Variants in ASTN2 observed in about 807,000 individuals in gnomAD.
The protein encoded by ASTN2 is astrotactin-2.
In ASTN2, 54 loss-of-function variants were observed where a neutral mutation model predicts 139.8. The ratio of observed to expected loss-of-function variants is 0.39; its 90% CI spans 0.31 to 0.48. The LOEUF (loss-of-function observed/expected upper bound fraction) is 0.48, where lower values mean the gene tolerates loss of function less well. ASTN2 is among the 20% of genes least tolerant of loss of function. The pLI is 0.95. For missense variants in ASTN2, 1,565 were observed against 1,725.1 expected, an observed-to-expected ratio of 0.91 and a Z score of 1.64; for synonymous variants, 756 against 719.5, an observed-to-expected ratio of 1.05 and a Z score of -0.81.
At chr9:116,693,542 T>A (rs2900134) in intron 16 of ASTN2, among the ~76,000 whole-genome samples, 2,344 of 152,254 alleles carry the variant, frequency 0.015, 65 homozygotes, top group African/African-American at 0.054. Context: ...TACAGTATGG[T>A]ATGGGATGTA....
chr9:117,060,720 C>T (rs965690578), intron 5 of ASTN2, among the ~76,000 whole-genome samples: 3 of 151,416 alleles, frequency 2.0e-5, no homozygotes, highest in Non-Finnish European at 2.9e-5. Flanking sequence ...GGTGAAACCC[C>T]GTCTCCACTA....
intron 19 of ASTN2, among the ~76,000 whole-genome samples, chr9:116,518,824 C>A (rs1451047997): frequency 6.6e-6 from 1 of 151,358 alleles, no homozygotes; most frequent in Non-Finnish European, 1.5e-5. Context: ...ATATTCCATG[C>A]AAACAATGCC....
intron 2 of ASTN2, among the ~76,000 whole-genome samples, chr9:117,244,590 GGAGGGAGGGAGGGAGGA>G (rs1303096744): frequency 3.4e-5 from 1 of 29,214 alleles, no homozygotes; most frequent in Non-Finnish European, 1.6e-4. Flanking sequence ...AGGGAGGGAG[GGAGGGAGGGAGGGAGGA>G]GAGGGAGGGA....
intron 2 of ASTN2, among the ~76,000 whole-genome samples, chr9:117,265,551 G>A (rs1335180961): frequency 6.6e-6 from 1 of 152,146 alleles, no homozygotes; most frequent in East Asian, 1.9e-4. Flanking sequence ...GAGGGCATGT[G>A]GGCTGGACAC....
In ASTN2 at chr9:117,273,472, T is replaced by C. The variant is rs56869843; in HGVS notation, c.630+17854A>G. ...CAACAGCCTTCTCAATGGAGTGCTG[T>C]AGAGATTAGATAAGGGACGAGTGTG... On this transcript the variant is annotated intron_variant, in intron 2 of 22. Transcript: ENST00000313400. Among the ~76,000 whole-genome samples the C allele has an allele frequency of 4.6e-3, 698 of 152,224 alleles. 19 individuals are homozygous for C. The East Asian group carries it at 0.063, about 14-fold the overall frequency.
intron 19 of ASTN2, among the ~76,000 whole-genome samples, chr9:116,615,930 A>AAAC: frequency 6.6e-6 from 1 of 152,280 alleles, no homozygotes; most frequent in East Asian, 1.9e-4. Context: ...CTACATTAAA[A>AAAC]AACAACAACA....
intron 2 of ASTN2, among the ~76,000 whole-genome samples, chr9:117,240,203 G>A (rs757783305): frequency 3.9e-5 from 6 of 152,146 alleles, no homozygotes; most frequent in Non-Finnish European, 7.4e-5. Context: ...CTGGTAAAGT[G>A]GGTGGTTCAG....
chr9:117,192,075 C>A (rs1831363989), intron 3 of ASTN2, among the ~76,000 whole-genome samples: 1 of 145,822 alleles, frequency 6.9e-6, no homozygotes, highest in Non-Finnish European at 1.5e-5. Flanking sequence ...GTTTGTGATT[C>A]CATGACAAAT....
At chr9:116,482,664 G>T (rs1318569676) in intron 20 of ASTN2, among the ~76,000 whole-genome samples, 2 of 151,856 alleles carry the variant, frequency 1.3e-5, no homozygotes, top group East Asian at 3.9e-4. Flanking sequence ...CCCAACCTCG[G>T]GCTTTTTTTC....
intron 1 of ASTN2, among the ~76,000 whole-genome samples, chr9:117,356,196 A>G (rs1186931474): frequency 6.6e-6 from 1 of 152,224 alleles, no homozygotes; most frequent in African/African-American, 2.4e-5. Flanking sequence ...CTGATTCTCT[A>G]TTAACAACTT....
intron 13 of ASTN2, among the ~76,000 whole-genome samples, chr9:116,801,757 T>C (rs1830866185): frequency 6.6e-6 from 1 of 152,008 alleles, no homozygotes; most frequent in Non-Finnish European, 1.5e-5. Context: ...TGGAAATAAT[T>C]GCAAAGAAAG....
intron 5 of ASTN2, among the ~76,000 whole-genome samples, chr9:117,073,929 T>A (rs941137194): frequency 6.6e-5 from 10 of 151,814 alleles, no homozygotes; most frequent in Non-Finnish European, 1.3e-4. Flanking sequence ...TGGACTCGAG[T>A]CTATGGAACT....
intron 13 of ASTN2, among the ~76,000 whole-genome samples, chr9:116,750,040 C>T (rs995300336): frequency 4.6e-5 from 7 of 152,288 alleles, no homozygotes; most frequent in South Asian, 4.1e-4. Context: ...TGCAAATAGT[C>T]TAACACACTA....
intron 19 of ASTN2, among the ~76,000 whole-genome samples, chr9:116,532,950 G>A (rs1851423944): frequency 1.3e-5 from 2 of 152,156 alleles, no homozygotes; most frequent in African/African-American, 2.4e-5. Context: ...ATTACCTTGG[G>A]CAGTATGGCC....
chr9:117,188,577 T>G (rs1304133140), intron 3 of ASTN2, among the ~76,000 whole-genome samples: 3 of 152,138 alleles, frequency 2.0e-5, no homozygotes, highest in Non-Finnish European at 1.5e-5. Flanking sequence ...ACATCGTAGC[T>G]GGGAACTCTT....
At chr9:116,656,228 C>T (rs79385508) in intron 16 of ASTN2, among the ~76,000 whole-genome samples, 2 of 152,200 alleles carry the variant, frequency 1.3e-5, no homozygotes, top group East Asian at 3.9e-4. Context: ...CATACATAAC[C>T]TGTGCTGCCT....
chr9:116,425,598 GA>G lies in ASTN2; in HGVS notation c.*252del. 1 of 1,613,360 alleles carries G rather than the reference GA, an allele frequency of 6.2e-7. No homozygotes were observed. The highest frequency in any genetic ancestry group is 8.5e-7 in the Non-Finnish European group (1 of 1,179,842). ...CATCCATAAGAAAAGGTTTAAAAAG[GA>G]GAGACTTTTGATAGAGTCAAATAAT... On this transcript the variant is annotated 3_prime_UTR_variant, in exon 23 of 23. Transcript: ENST00000313400.
In ASTN2 at chr9:116,547,556, T is replaced by C. The variant is rs1001877489; in HGVS notation, c.3356-60056A>G. The C allele has an allele frequency of 6.6e-5, 10 of 152,332 alleles. No individual in the cohort carries two copies. In the East Asian group the frequency reaches 1.9e-3, roughly 29 times the overall value. 9.4% of individuals were successfully genotyped at this position (152,332 alleles called of 1,614,324 possible). ...CTTCAGGGCTATGTACCTGCGGTGG[T>C]GGACTTCATCTTTCCAATCCTACTT... On this transcript the variant is annotated intron_variant, in intron 19 of 22. Coordinates refer to ENST00000313400, the MANE Select transcript of ASTN2 (RefSeq NM_001365068.1).
At chr9:117,037,123 A>G (rs1373873600) in intron 6 of ASTN2, among the ~76,000 whole-genome samples, 1 of 152,114 alleles carries the variant, frequency 6.6e-6, no homozygotes, top group Non-Finnish European at 1.5e-5. Flanking sequence ...GTGCTTATCA[A>G]TGGGAATATA....
Sources: gnomAD v4.1 joint callset for allele counts (sites outside exome capture counted in the v4.1 genomes callset) on GRCh38, gnomAD v4.1.1 for gene constraint, MANE v1.5 for transcripts, NCBI Gene and HGNC (gene_info 2026-07-23, HGNC 2026-07-21) for gene names.